Variants in HNF4A observed in about 807,000 individuals in gnomAD.
The protein encoded by HNF4A is hepatocyte nuclear factor 4 alpha.
HNF4A carries 15 observed loss-of-function variants against 52.4 expected under a neutral mutation model. The observed-to-expected ratio is 0.29, with a 90% CI of 0.19 to 0.44. The LOEUF (loss-of-function observed/expected upper bound fraction) is 0.44, where lower values mean the gene tolerates loss of function less well. Among genes scored for constraint, HNF4A ranks in the 20% least tolerant of loss-of-function variants. The pLI, the probability that HNF4A is intolerant of heterozygous loss-of-function variation, is 1.00. For missense variants in HNF4A, 479 were observed against 647.2 expected (o/e 0.74, Z 2.82); for synonymous variants, 280 against 264.4 (o/e 1.06, Z -0.57).
chr20:44,411,367 A>G (rs2063578701), intron 3 of HNF4A, among the ~76,000 whole-genome samples: 1 of 152,214 alleles, frequency 6.6e-6, no homozygotes. Flanking sequence ...TTTGGAAAAC[A>G]TCATTCCGTG....
At chr20:44,424,395 G>C in intron 8 of HNF4A, 141 bp downstream of exon 8, 1 of 1,409,508 alleles carries the variant, frequency 7.1e-7, no homozygotes, top group Non-Finnish European at 9.8e-7. Flanking sequence ...CTGTGCCTCA[G>C]TTTCCTCACC....
intron 1 of HNF4A, among the ~76,000 whole-genome samples, chr20:44,404,795 G>GAAT (rs2063464215): frequency 2.9e-5 from 4 of 137,736 alleles, no homozygotes; most frequent in Non-Finnish European, 4.7e-5. Flanking sequence ...GCGTGTGTCT[G>GAAT]TGTGGTGTGT....
rs2063840629 is a variant in HNF4A, at chr20:44,428,598, G to A, written c.1282+111G>A. On this transcript the variant is annotated intron_variant, in intron 9 of 9. Coordinates refer to ENST00000316099, the MANE Select transcript of HNF4A (RefSeq NM_000457.6). The stretch of plus-strand genomic sequence containing the variant: ...GAACCAGGATGCAACAGTTTTCTGG[G>A]TTCCAGGGTAGGGAATAAAGGGCAA... 4 of 1,084,420 alleles carry A rather than the reference G, an allele frequency of 3.7e-6. No individual in the cohort carries two copies. The Admixed American group carries it at 7.9e-5, about 21-fold the overall frequency. The allele number at this position is 1,084,420 out of a possible 1,614,324, so 67.2% of individuals were successfully genotyped here. A position where few individuals can be genotyped will look rare whatever the true frequency, so the allele number is the denominator to read the frequency against.
In HNF4A at chr20:44,424,134, C is replaced by CTGG; in HGVS notation, c.1011_1012insGTG (p.Leu337_Leu338insVal). On this transcript the variant is annotated inframe_insertion, in exon 8 of 10. Transcript: ENST00000316099. ...TGACTCGCGTGGCCGCTTTGGAGAGCTGCTGCTGCTGCTGCCCACCTTGCA... is the reference window on the plus strand; with the variant it reads ...TGACTCGCGTGGCCGCTTTGGAGAGCTGGTGCTGCTGCTGCTGCCCACCTTGCA... The CTGG allele has an allele frequency of 6.2e-7, 1 of 1,607,092 alleles. No homozygotes were observed.
At chr20:44,408,571 A>G (rs2146382545) in intron 3 of HNF4A, among the ~76,000 whole-genome samples, 1 of 152,110 alleles carries the variant, frequency 6.6e-6, no homozygotes, top group South Asian at 2.1e-4. Flanking sequence ...CTAAAAATAC[A>G]AAAAAATTAG....
At position 44,429,686 on chromosome 20, in the gene HNF4A, G is replaced by C. The variant is rs2063854877; in HGVS notation, c.*21G>C. 1 of 1,613,418 alleles carries C rather than the reference G, an allele frequency of 6.2e-7. No homozygotes were observed. Among genetic ancestry groups the C allele is most frequent in the Middle Eastern group, 1.7e-4 (1 of 6,050 alleles). The stretch of plus-strand genomic sequence containing the variant: ...TCTAGCAAGCCGCTGGGGCTTGGGG[G>C]CTCCACTGGCTCCCCCCAGCCCCCT... On this transcript the variant is annotated 3_prime_UTR_variant, in exon 10 of 10. Coordinates refer to ENST00000316099, the MANE Select transcript of HNF4A (RefSeq NM_000457.6).
chr20:44,403,545 C>T (rs1048356642), intron 1 of HNF4A, among the ~76,000 whole-genome samples: 3 of 152,180 alleles, frequency 2.0e-5, no homozygotes, highest in Non-Finnish European at 4.4e-5. Flanking sequence ...AAGTTGTCCT[C>T]TGAAGTGTTT....
chr20:44,430,240 C>T lies in HNF4A; in HGVS notation c.*575C>T, dbSNP rs2063862446. On this transcript the variant is annotated 3_prime_UTR_variant, in exon 10 of 10. Transcript: ENST00000316099. ...CAAGGAGGCCTTGGAAACGATTCCC[C>T]CAGTCATTCTGGGAACATGTTGTAA... is the stretch of plus-strand genomic sequence containing the variant. 1 of 154,278 alleles carries T rather than the reference C, an allele frequency of 6.5e-6. No homozygotes were observed. The highest frequency in any genetic ancestry group is 2.4e-5 in the African/African-American group (1 of 41,584). The allele number at this position is 154,278 out of a possible 1,614,324, so 9.6% of individuals were successfully genotyped here. A position where few individuals can be genotyped will look rare whatever the true frequency, so the allele number is the denominator to read the frequency against.
In HNF4A at chr20:44,373,781, C is replaced by A. The variant is rs145413948; in HGVS notation, c.49+17928C>A. ...CTCGGCTCACTGCAACCTCCGCCTC[C>A]TGGGTTCAAGCAATTCTCCTGCCTC... On this transcript the variant is annotated intron_variant, in intron 1 of 9. Coordinates refer to the HNF4A transcript ENST00000316673. Among the ~76,000 whole-genome samples, 235 of 152,174 alleles carry A rather than the reference C, an allele frequency of 1.5e-3. 1 individual carries two copies. The highest frequency in any genetic ancestry group is 4.6e-3 in the African/African-American group (193 of 41,510).
At chr20:44,391,069 A>G (rs11700023) in intron 1 of HNF4A, among the ~76,000 whole-genome samples, 18,523 of 152,112 alleles carry the variant, frequency 0.12, 1,344 homozygotes, top group Non-Finnish European at 0.16. Flanking sequence ...AGCAGAAAAC[A>G]ATCGGTTAAA....
intron 3 of HNF4A, among the ~76,000 whole-genome samples, chr20:44,409,277 GTC>G (rs1011699890): frequency 3.3e-5 from 5 of 152,216 alleles, no homozygotes; most frequent in African/African-American, 1.2e-4. Flanking sequence ...GGTTAAGCCT[GTC>G]TCATCCACTT....
intron 1 of HNF4A, among the ~76,000 whole-genome samples, chr20:44,376,112 G>A (rs1055331073): frequency 6.6e-5 from 10 of 151,674 alleles, no homozygotes; most frequent in African/African-American, 1.9e-4. Flanking sequence ...GCCGGGCATG[G>A]TAATTAGCCG....
chr20:44,421,072 C>T (rs1216606795), intron 7 of HNF4A, among the ~76,000 whole-genome samples: 3 of 152,180 alleles, frequency 2.0e-5, no homozygotes, highest in African/African-American at 7.2e-5. Context: ...CCATTCCCAT[C>T]TTTTCTTCCC....
intron 5 of HNF4A, among the ~76,000 whole-genome samples, chr20:44,416,419 T>C (rs563330874): frequency 6.6e-6 from 1 of 152,384 alleles, no homozygotes; most frequent in East Asian, 1.9e-4. Context: ...CAGAGCAAGT[T>C]AGCGACAGAA....
intron 8 of HNF4A, among the ~76,000 whole-genome samples, chr20:44,426,826 T>G (rs1386953635): frequency 6.6e-6 from 1 of 151,588 alleles, no homozygotes; most frequent in Admixed American, 6.6e-5. Flanking sequence ...AACAAAAGGA[T>G]GGGGTGATAG....
chr20:44,419,638 C>T (rs1162924737), intron 6 of HNF4A, 83 bp from the exon 7 acceptor site: 1 of 1,334,064 alleles, frequency 7.5e-7, no homozygotes. Flanking sequence ...CACCAGCTAT[C>T]TTGCCAACTT....
chr20:44,385,057 A>ATATTTTTTTTTTTTTTT (rs1491454694), intron 1 of HNF4A, among the ~76,000 whole-genome samples: 2 of 29,922 alleles, frequency 6.7e-5, no homozygotes, highest in Admixed American at 5.5e-4. Context: ...GAACTCTGTG[A>ATATTTTTTTTTTTTTTT]TCTTTTTTTT....
At chr20:44,363,288 G>A (rs1018725003) in intron 1 of HNF4A, among the ~76,000 whole-genome samples, 1 of 152,120 alleles carries the variant, frequency 6.6e-6, no homozygotes, top group African/African-American at 2.4e-5. Flanking sequence ...CATAGAAAGT[G>A]CTATGTGAAT....
At chr20:44,391,799 C>G (rs916918835) in intron 1 of HNF4A, among the ~76,000 whole-genome samples, 2 of 152,144 alleles carry the variant, frequency 1.3e-5, no homozygotes, top group East Asian at 1.9e-4. Context: ...TATAAAGAAA[C>G]CTTGGCAGAT....
Sources: allele counts gnomAD v4.1 joint callset (sites outside exome capture counted in the v4.1 genomes callset), GRCh38; gene constraint gnomAD v4.1.1; transcripts MANE v1.5; gene names NCBI Gene and HGNC (gene_info 2026-07-23, HGNC 2026-07-21).